Variants in TRAK1 observed in about 807,000 individuals in gnomAD.
The protein encoded by TRAK1 is trafficking kinesin protein 1, also known as trafficking kinesin-binding protein 1.
In TRAK1, 33 loss-of-function variants were observed where a neutral mutation model predicts 92.1. The observed-to-expected ratio is 0.36, with a 90% confidence interval of 0.27 to 0.48. The LOEUF (loss-of-function observed/expected upper bound fraction) is 0.48. TRAK1 is among the 20% of genes least tolerant of loss of function. The pLI is 0.99. For missense variants in TRAK1, 1,123 were observed against 1,257.9 expected, an observed-to-expected ratio of 0.89 and a Z score of 1.62; for synonymous variants, 521 against 517.3, an observed-to-expected ratio of 1.01 and a Z score of -0.10.
intron 1 of TRAK1, among the ~76,000 whole-genome samples, chr3:42,110,094 G>GTGTATATATATATA (rs1417746436): frequency 2.5e-4 from 21 of 83,232 alleles, no homozygotes; most frequent in Admixed American, 4.8e-4. Flanking sequence ...AGAACTTAAA[G>GTGTATATATATATA]TATATATATA....
chr3:42,210,407 A>T lies in TRAK1; in HGVS notation c.1963+422A>T. Reference sequence around the variant, plus strand: ...AGTGGGAGCAGGAAAGGCTGCTAAAAAAAAAAAAAAAAAAAAAAGTGGGCT... The same window carrying T: ...AGTGGGAGCAGGAAAGGCTGCTAAATAAAAAAAAAAAAAAAAAAGTGGGCT... On this transcript the variant is annotated intron_variant, in intron 14 of 15. Coordinates refer to ENST00000327628, the MANE Select transcript of TRAK1 (RefSeq NM_001042646.3). 5 of 718,094 alleles carry T rather than the reference A, an allele frequency of 7.0e-6. No homozygotes were observed. The South Asian group carries it at 2.0e-4, about 29-fold the overall frequency. The allele number at this position is 718,094 out of a possible 1,614,324, so 44.5% of individuals were successfully genotyped here. A position where few individuals can be genotyped will look rare whatever the true frequency, so the allele number is the denominator to read the frequency against.
chr3:42,149,500 G>C, intron 2 of TRAK1: 1 of 1,536,080 alleles, frequency 6.5e-7, no homozygotes, highest in Non-Finnish European at 8.7e-7. Context: ...TGATGGTGCT[G>C]TGAAGTCCAT....
intron 5 of TRAK1, 77 bp from the exon 6 acceptor site, chr3:42,188,939 T>C: frequency 9.4e-7 from 1 of 1,063,656 alleles, no homozygotes. Context: ...CAAGCCCTTC[T>C]TTGTGTCTCC....
intron 2 of TRAK1, among the ~76,000 whole-genome samples, chr3:42,158,683 C>T (rs1700848357): frequency 6.6e-6 from 1 of 150,552 alleles, no homozygotes; most frequent in South Asian, 2.1e-4. Context: ...GTGGTTCACG[C>T]CTGTAATCCC....
chr3:42,210,510 C>A (rs1708903159), intron 14 of TRAK1: 2 of 1,186,842 alleles, frequency 1.7e-6, no homozygotes, highest in African/African-American at 1.6e-5. Context: ...ATTCTCAAGT[C>A]CCCTGGTGAT....
At chr3:42,042,524 A>G (rs1702587807) in intron 1 of TRAK1, among the ~76,000 whole-genome samples, 1 of 151,598 alleles carries the variant, frequency 6.6e-6, no homozygotes, top group African/African-American at 2.4e-5. Context: ...GGCATGCACC[A>G]CCATACCTGG....
intron 1 of TRAK1, among the ~76,000 whole-genome samples, chr3:42,033,907 A>G (rs1448508349): frequency 6.6e-6 from 1 of 152,106 alleles, no homozygotes; most frequent in Non-Finnish European, 1.5e-5. Context: ...ATACCGCTGC[A>G]TCATTCTGGG....
chr3:42,169,354 A>AGTAGTGAAAAAAGT (rs1702265042), intron 2 of TRAK1, among the ~76,000 whole-genome samples: 6 of 151,970 alleles, frequency 3.9e-5, no homozygotes. Context: ...TTATTCATTC[A>AGTAGTGAAAAAAGT]CCAATTGATG....
At chr3:42,114,523 C>T (rs977621653) in intron 1 of TRAK1, among the ~76,000 whole-genome samples, 1 of 152,182 alleles carries the variant, frequency 6.6e-6, no homozygotes, top group African/African-American at 2.4e-5. Context: ...ATCATGGACA[C>T]ATTTTTGGTT....
intron 2 of TRAK1, among the ~76,000 whole-genome samples, chr3:42,154,453 G>A (rs1392649526): frequency 2.0e-5 from 3 of 151,900 alleles, no homozygotes; most frequent in African/African-American, 4.8e-5. Flanking sequence ...GATTACAGGC[G>A]TGAACCACTG....
At chr3:42,150,326 A>G (rs1699820938) in intron 2 of TRAK1, among the ~76,000 whole-genome samples, 1 of 152,164 alleles carries the variant, frequency 6.6e-6, no homozygotes, top group African/African-American at 2.4e-5. Context: ...AGAAAACAGC[A>G]CTGAGGTGCG....
upstream of TRAK1, chr3:42,013,720 CGCCGCCCCGGGGCCCACCCG>C (rs931751865): frequency 2.0e-5 from 3 of 147,518 alleles, no homozygotes; most frequent in Non-Finnish European, 3.0e-5. This position sits in a 1 kb window ranked among gnomAD's most constrained non-coding sequence, Gnocchi z 5.1. Flanking sequence ...CGCCCCCGCC[CGCCGCCCCGGGGCCCACCCG>C]GCCGCCGCCC....
chr3:42,023,854 A>G (rs956972371), intron 1 of TRAK1, among the ~76,000 whole-genome samples: 2 of 149,062 alleles, frequency 1.3e-5, no homozygotes, highest in African/African-American at 2.5e-5. Context: ...CCCGGGTTCA[A>G]GCAATTCTCC....
intron 1 of TRAK1, among the ~76,000 whole-genome samples, chr3:42,028,909 A>G (rs1702012888): frequency 6.6e-6 from 1 of 152,206 alleles, no homozygotes; most frequent in South Asian, 2.1e-4. Context: ...ACATGGCTAT[A>G]AATAAATACC....
chr3:42,142,506 A>G (rs1011368959), intron 2 of TRAK1, among the ~76,000 whole-genome samples: 1 of 152,126 alleles, frequency 6.6e-6, no homozygotes, highest in African/African-American at 2.4e-5. Flanking sequence ...TCCTGCTCCT[A>G]CCCGAGTATA....
intron 1 of TRAK1, among the ~76,000 whole-genome samples, chr3:42,074,816 A>G (rs1312287954): frequency 6.6e-6 from 1 of 151,846 alleles, no homozygotes; most frequent in Non-Finnish European, 1.5e-5. Context: ...TACCTAATGG[A>G]ATGGGTAGTT....
intron 2 of TRAK1, among the ~76,000 whole-genome samples, chr3:42,126,011 C>T (rs1036487864): frequency 1.4e-4 from 22 of 151,912 alleles, no homozygotes; most frequent in Admixed American, 3.3e-4. Context: ...CCACCATGCC[C>T]GGCTAATTTT....
At chr3:42,185,973 C>A (rs191543668) in intron 4 of TRAK1, among the ~76,000 whole-genome samples, 1 of 83,978 alleles carries the variant, frequency 1.2e-5, no homozygotes, top group Admixed American at 1.5e-4. Context: ...TGTGCCCAGC[C>A]TTTTTTTTTT....
intron 2 of TRAK1, among the ~76,000 whole-genome samples, chr3:42,131,439 A>T (rs1697180489): frequency 6.6e-6 from 1 of 152,172 alleles, no homozygotes; most frequent in Non-Finnish European, 1.5e-5. Context: ...ATAGTCTGCC[A>T]GGCGCTGTGG....
Sources: gnomAD v4.1 joint callset for allele counts (sites outside exome capture counted in the v4.1 genomes callset) on GRCh38, gnomAD v4.1.1 for gene constraint, Gnocchi (gnomAD v3.1) non-coding constraint, MANE v1.5 for transcripts, NCBI Gene and HGNC (gene_info 2026-07-23, HGNC 2026-07-21) for gene names.